PHLPP1: variants seen among roughly 807,000 people sequenced by gnomAD.
PHLPP1 encodes the protein PH domain leucine-rich repeat-containing protein phosphatase 1.
Under a neutral mutation model 117.2 loss-of-function variants are expected in PHLPP1, and 42 were observed. That is an observed-to-expected ratio of 0.36 (90% confidence interval 0.28 to 0.46). PHLPP1 has a LOEUF of 0.46. PHLPP1 is among the 20% of genes least tolerant of loss of function. The pLI, the probability that PHLPP1 is intolerant of heterozygous loss-of-function variation, is 1.00. For synonymous variants in PHLPP1, 1,042 were observed against 970.7 expected (o/e 1.07, Z -1.37); for missense variants, 2,084 against 2,241.9 (o/e 0.93, Z 1.42).
In PHLPP1 at chr18:62,978,239, T is replaced by C. The variant is rs1367744757; in HGVS notation, c.3985-23T>C. On this transcript the variant is annotated intron_variant, in intron 16 of 16. Transcript: ENST00000262719. This position sits in a 1 kb window ranked among gnomAD's most constrained non-coding sequence, Gnocchi z 7.0. ...GCAGGTGCTCTGTATTAACTGTCTG[T>C]CTGCAAACCCTTGTTCTTCCAGGAT... The C allele has an allele frequency of 2.0e-6, 3 of 1,473,864 alleles. No individual in the cohort carries two copies. 91.3% of individuals were successfully genotyped at this position (1,473,864 alleles called of 1,614,324 possible).
chr18:62,823,592 T>TTATATATCTACATAAGTA (rs1914527312), intron 1 of PHLPP1, among the ~76,000 whole-genome samples: 1 of 147,254 alleles, frequency 6.8e-6, no homozygotes, highest in African/African-American at 2.5e-5. Flanking sequence ...TCTACATATA[T>TTATATATCTACATAAGTA]TATATATCTA....
chr18:62,875,505 C>T (rs1447421218), intron 4 of PHLPP1, among the ~76,000 whole-genome samples: 2 of 151,806 alleles, frequency 1.3e-5, no homozygotes, highest in Admixed American at 6.6e-5. Flanking sequence ...CTATATTTAT[C>T]TTGTGTGCTC....
At chr18:62,786,721 T>A (rs1343648512) in intron 1 of PHLPP1, among the ~76,000 whole-genome samples, 1 of 152,244 alleles carries the variant, frequency 6.6e-6, no homozygotes, top group East Asian at 1.9e-4. Flanking sequence ...TAATAGTAGC[T>A]ACACTTAGTA....
chr18:62,903,551 C>G (rs757524720), intron 7 of PHLPP1, among the ~76,000 whole-genome samples: 1 of 151,968 alleles, frequency 6.6e-6, no homozygotes, highest in Non-Finnish European at 1.5e-5. Context: ...TATTTTGACT[C>G]CATTCGGGAT....
At chr18:62,787,856 G>A (rs566725515) in intron 1 of PHLPP1, among the ~76,000 whole-genome samples, 90 of 152,198 alleles carry the variant, frequency 5.9e-4, no homozygotes, top group Non-Finnish European at 1.0e-3. Context: ...GGATTTCACC[G>A]ATGTGTTTTA....
intron 4 of PHLPP1, among the ~76,000 whole-genome samples, chr18:62,865,127 C>T (rs1391843020): frequency 3.7e-4 from 56 of 152,092 alleles, no homozygotes; most frequent in Admixed American, 3.7e-3. Flanking sequence ...AGTTTGAAAC[C>T]AGCCTGTCAA....
chr18:62,906,488 A>C (rs1435785568), intron 8 of PHLPP1: 1 of 146,712 alleles, frequency 6.8e-6, no homozygotes, highest in African/African-American at 2.5e-5. Flanking sequence ...GCATTGCCTC[A>C]CCTGGGAAGC....
intron 4 of PHLPP1, among the ~76,000 whole-genome samples, chr18:62,889,022 G>A (rs991147908): frequency 1.3e-5 from 2 of 152,168 alleles, no homozygotes; most frequent in African/African-American, 2.4e-5. Flanking sequence ...ATCTGCAAAT[G>A]TCCTATAATC....
chr18:62,782,967 C>T (rs1322517515), intron 1 of PHLPP1, among the ~76,000 whole-genome samples: 1 of 150,592 alleles, frequency 6.6e-6, no homozygotes, highest in African/African-American at 2.4e-5. Flanking sequence ...GTTTTAAACA[C>T]TTAGCCATAG....
At chr18:62,834,824 C>G (rs1207364591) in intron 2 of PHLPP1, among the ~76,000 whole-genome samples, 1 of 152,162 alleles carries the variant, frequency 6.6e-6, no homozygotes, top group Non-Finnish European at 1.5e-5. Flanking sequence ...CCTCGTGTCC[C>G]TTTGTTCTCC....
At chr18:62,929,465 T>G (rs901197116) in intron 10 of PHLPP1, among the ~76,000 whole-genome samples, 4 of 152,202 alleles carry the variant, frequency 2.6e-5, no homozygotes, top group Non-Finnish European at 5.9e-5. Flanking sequence ...ATGGAACATT[T>G]CTGTCCACAC....
chr18:62,850,605 C>A (rs1599082088), intron 3 of PHLPP1, among the ~76,000 whole-genome samples: 1 of 152,044 alleles, frequency 6.6e-6, no homozygotes. Context: ...CATATTTTGC[C>A]AATAAGGAAC....
At chr18:62,856,139 T>C (rs1270398086) in intron 3 of PHLPP1, among the ~76,000 whole-genome samples, 1 of 152,154 alleles carries the variant, frequency 6.6e-6, no homozygotes, top group Non-Finnish European at 1.5e-5. Context: ...TATGGCATTT[T>C]ATGTCAGGGA....
chr18:62,961,516 AAAATTATAAAT>A (rs1426371894), intron 13 of PHLPP1, among the ~76,000 whole-genome samples: 2 of 152,172 alleles, frequency 1.3e-5, no homozygotes, highest in Non-Finnish European at 2.9e-5. Context: ...GTGTTCTGTA[AAAATTATAAAT>A]GCCTTTAAAA....
At chr18:62,826,528 A>G (rs1457775925) in intron 1 of PHLPP1, among the ~76,000 whole-genome samples, 3 of 152,294 alleles carry the variant, frequency 2.0e-5, no homozygotes, top group Middle Eastern at 3.4e-3. Flanking sequence ...ACATTTTTAT[A>G]GATTTTGCTT....
chr18:62,932,450 A>G (rs1383680250), intron 10 of PHLPP1, among the ~76,000 whole-genome samples: 1 of 152,240 alleles, frequency 6.6e-6, no homozygotes, highest in African/African-American at 2.4e-5. Flanking sequence ...CCTGGGATGC[A>G]AGGATGGTTC....
intron 10 of PHLPP1, among the ~76,000 whole-genome samples, chr18:62,931,446 C>T (rs1358699055): frequency 6.6e-6 from 1 of 151,162 alleles, no homozygotes; most frequent in Non-Finnish European, 1.5e-5. Flanking sequence ...AAAAACAGAA[C>T]ACACTAAACC....
intron 1 of PHLPP1, among the ~76,000 whole-genome samples, chr18:62,783,507 C>T (rs562542207): frequency 3.9e-5 from 6 of 152,290 alleles, no homozygotes; most frequent in South Asian, 2.1e-4. Context: ...GGATTACAGG[C>T]GTGAGCCACC....
intron 13 of PHLPP1, among the ~76,000 whole-genome samples, chr18:62,961,282 G>A (rs771340496): frequency 5.9e-5 from 9 of 152,058 alleles, no homozygotes; most frequent in Non-Finnish European, 1.2e-4. Context: ...CAGCAAGAGC[G>A]AAACTCCGTC....
Sources: gnomAD v4.1 joint callset for allele counts (sites outside exome capture counted in the v4.1 genomes callset) on GRCh38, gnomAD v4.1.1 for gene constraint, Gnocchi (gnomAD v3.1) non-coding constraint, MANE v1.5 for transcripts, NCBI Gene and HGNC (gene_info 2026-07-23, HGNC 2026-07-21) for gene names.